SF1: variants seen among roughly 807,000 people sequenced by gnomAD.
SF1 encodes the protein branch point-binding protein.
In SF1, 7 loss-of-function variants were observed where a neutral mutation model predicts 62.5. The ratio of observed to expected loss-of-function variants is 0.11; its 90% confidence interval spans 0.06 to 0.21. The LOEUF is 0.21. SF1 is among the 10% of genes least tolerant of loss of function. The probability of loss-of-function intolerance (pLI) is 1.00; values close to 1 mark genes in which losing one functional copy is unlikely to be tolerated. For synonymous variants in SF1, 394 were observed against 323.6 expected (o/e 1.22, Z -2.33); for missense variants, 578 against 884.0 (o/e 0.65, Z 4.39).
intron 1 of SF1, chr11:64,777,776 T>TACCCCCCCCCCCCC: frequency 1.0e-6 from 1 of 960,820 alleles, no homozygotes; most frequent in Non-Finnish European, 1.2e-6. Context: ...ACAGAGCGCC[T>TACCCCCCCCCCCCC]CCCGCCCGCC....
At chr11:64,768,908 C>T (rs1592469544) in intron 8 of SF1, 114 bp downstream of exon 8, 1 of 790,200 alleles carries the variant, frequency 1.3e-6, no homozygotes, top group East Asian at 2.4e-5. Context: ...TTACAGACCA[C>T]ACTAACAGAA....
At chr11:64,772,199 AAAG>A (rs1350615240) in intron 3 of SF1, 24 of 985,306 alleles carry the variant, frequency 2.4e-5, no homozygotes, top group Non-Finnish European at 2.2e-5. Context: ...TCCAGGAAGC[AAAG>A]AAGGTTTGTT....
chr11:64,778,174 C>T (rs1276337941), intron 1 of SF1, 188 bp downstream of exon 1: 2 of 898,354 alleles, frequency 2.2e-6, no homozygotes, highest in South Asian at 5.3e-5. Flanking sequence ...GGGGCGGCGG[C>T]GGAGGCGGCG....
intron 12 of SF1, chr11:64,766,610 A>G: frequency 2.4e-6 from 1 of 417,662 alleles, no homozygotes. Flanking sequence ...CAGTCCAGCC[A>G]GCCGCTCACT....
chr11:64,777,780 G>GGGGCCCCCCC, intron 1 of SF1: 1 of 445,446 alleles, frequency 2.2e-6, no homozygotes, highest in Non-Finnish European at 2.8e-6. Context: ...AGCGCCTCCC[G>GGGGCCCCCCC]CCCGCCCAGC....
intron 1 of SF1, 176 bp downstream of exon 1, chr11:64,778,186 A>AGGCAGCGCC: frequency 1.0e-6 from 1 of 982,238 alleles, no homozygotes; most frequent in East Asian, 4.3e-5. Context: ...GAGGCGGCGG[A>AGGCAGCGCC]GGCAGCGCCG....
At chr11:64,778,095 G>T in intron 1 of SF1, 1 of 933,652 alleles carries the variant, frequency 1.1e-6, no homozygotes, top group Non-Finnish European at 1.3e-6. Flanking sequence ...GGGGGCGGCT[G>T]CGGCGGCGGG....
intron 3 of SF1, chr11:64,772,367 C>T: frequency 1.0e-6 from 1 of 983,338 alleles, no homozygotes; most frequent in Non-Finnish European, 1.2e-6. Flanking sequence ...CACAACACAA[C>T]CCTACAACCA....
At chr11:64,767,516 G>A (rs1487078318) in intron 10 of SF1, 55 bp downstream of exon 10, 23 of 1,496,320 alleles carry the variant, frequency 1.5e-5, no homozygotes, top group Non-Finnish European at 1.9e-5. Context: ...GCGACCTGAC[G>A]TAACCCCTTG....
intron 2 of SF1, chr11:64,776,102 A>T (rs1438540251): frequency 6.3e-6 from 1 of 158,616 alleles, no homozygotes; most frequent in Non-Finnish European, 1.4e-5. Flanking sequence ...ATATAAAATT[A>T]TGGTGAAAGG....
chr11:64,777,981 A>C (rs1939639527), intron 1 of SF1: 1 of 993,744 alleles, frequency 1.0e-6, no homozygotes, highest in Non-Finnish European at 1.2e-6. Flanking sequence ...TCTCGGCCCG[A>C]CTCACCTCCT....
chr11:64,773,841 T>G (rs1413018596), intron 2 of SF1, among the ~76,000 whole-genome samples: 1 of 152,316 alleles, frequency 6.6e-6, no homozygotes, highest in East Asian at 1.9e-4. Flanking sequence ...TTGCTTACCA[T>G]TGGTACCCAG....
In SF1 at chr11:64,769,629, TAA is replaced by T; in HGVS notation, c.480-22_480-21del. On this transcript the variant is annotated intron_variant, in intron 5 of 12. Coordinates refer to ENST00000377390, the MANE Select transcript of SF1 (RefSeq NM_004630.4). ...TTCCCTCTAGAGAGGCAGAAATGAC[TAA>T]GTTTATACCTGACAAATTCACACTC... is the stretch of plus-strand genomic sequence containing the variant. The T allele has an allele frequency of 1.2e-6, 2 of 1,604,592 alleles. No individual in the cohort carries two copies. Among genetic ancestry groups the T allele is most frequent in the Non-Finnish European group, 1.7e-6 (2 of 1,172,882 alleles).
intron 8 of SF1, 136 bp downstream of exon 8, chr11:64,768,886 T>G: frequency 1.4e-6 from 1 of 720,506 alleles, no homozygotes; most frequent in South Asian, 1.6e-5. Context: ...TCCTGGGCTT[T>G]AAATCACACC....
chr11:64,765,864 G>C lies in SF1; in HGVS notation c.1874C>G (p.Pro625Arg), dbSNP rs575271395. Residue 625 changes from proline to arginine, a missense_variant, in exon 13 of 13, where the codon CCC becomes CGC. By Grantham distance (103) the Pro-to-Arg change is moderately radical (BLOSUM62 -2). This residue lies in a region of SF1 where 410 missense variants were observed against 452.4 expected (regional missense o/e 0.91). Transcript: ENST00000377390. Reference protein sequence around the residue: ...MMGMGVAGMPPFGMPPAPPPP... With the variant: ...MMGMGVAGMPRFGMPPAPPPP... ...TGGGGGAGCTGGAGGCATCCCGAAGGGCGGCATGCCCGCCACCCCCATGCC... is the reference window on the plus strand; with the variant it reads ...TGGGGGAGCTGGAGGCATCCCGAAGCGCGGCATGCCCGCCACCCCCATGCC... The C allele has an allele frequency of 4.5e-6, 7 of 1,561,590 alleles. No individual in the cohort carries two copies. In the South Asian group the frequency reaches 7.0e-5, roughly 16 times the overall value.
At chr11:64,768,059 G>A (rs1239848619) in intron 9 of SF1, 47 bp downstream of exon 9, 1 of 1,573,102 alleles carries the variant, frequency 6.4e-7, no homozygotes, top group Admixed American at 1.9e-5. Context: ...AGTCTCTGCA[G>A]TAGAGAATGG....
intron 3 of SF1, 179 bp downstream of exon 3, chr11:64,773,251 A>T (rs766774742): frequency 7.1e-7 from 1 of 1,411,224 alleles, no homozygotes; most frequent in Non-Finnish European, 9.2e-7. Context: ...GTTTTATTCC[A>T]ATTTTCTAAC....
intron 3 of SF1, 29 bp from the exon 4 acceptor site, chr11:64,770,437 T>C (rs752135100): frequency 4.1e-5 from 65 of 1,602,508 alleles, no homozygotes; most frequent in Non-Finnish European, 5.4e-5. Flanking sequence ...CGTTTACTAT[T>C]CTGCACCGAC....
intron 1 of SF1, chr11:64,778,045 C>T: frequency 4.0e-6 from 4 of 1,008,798 alleles, no homozygotes; most frequent in Non-Finnish European, 4.7e-6. Context: ...GGGGTGGCGG[C>T]GGCTGCGGCG....
Sources: allele counts gnomAD v4.1 joint callset (sites outside exome capture counted in the v4.1 genomes callset), GRCh38; gene constraint gnomAD v4.1.1; regional missense constraint gnomAD v4.1.1; transcripts MANE v1.5; gene names NCBI Gene and HGNC (gene_info 2026-07-23, HGNC 2026-07-21).